Variants in ADAM22 observed in about 807,000 individuals in gnomAD.
ADAM22 encodes the protein ADAM metallopeptidase domain 22, also known as disintegrin and metalloproteinase domain-containing protein 22.
ADAM22 carries 65 observed loss-of-function variants against 144.6 expected under a neutral mutation model. That is an observed-to-expected ratio of 0.45 (90% CI 0.37 to 0.55). The LOEUF (loss-of-function observed/expected upper bound fraction) is 0.55. Among genes scored for constraint, ADAM22 ranks in the 20% least tolerant of loss-of-function variants. The pLI is 0.00. For synonymous variants in ADAM22, 391 were observed against 412.6 expected (o/e 0.95, Z 0.63); for missense variants, 974 against 1,184.9 (o/e 0.82, Z 2.61).
intron 30 of ADAM22, among the ~76,000 whole-genome samples, chr7:88,191,989 A>G (rs1316309396): frequency 6.6e-6 from 1 of 152,214 alleles, no homozygotes; most frequent in Non-Finnish European, 1.5e-5. Context: ...AGGATATTAT[A>G]CGCATGCAAA....
At chr7:88,143,706 A>T (rs1014041943) in intron 15 of ADAM22, among the ~76,000 whole-genome samples, 1 of 152,252 alleles carries the variant, frequency 6.6e-6, no homozygotes, top group Non-Finnish European at 1.5e-5. Flanking sequence ...AAGACTTTGC[A>T]TGTTAAAAAA....
rs765943904 is a variant in ADAM22 at position 88,128,655 on chromosome 7, G to T, written c.732G>T (p.Met244Ile). The change falls in exon 9 of 32, where the codon ATG becomes ATT. Residue 244 changes from methionine (M) to isoleucine (I), a missense_variant. Met to Ile is a conservative substitution (Grantham distance 10, BLOSUM62 1). Coordinates refer to ENST00000413139, the MANE Select transcript of ADAM22 (RefSeq NM_001324418.2). Reference protein sequence around the residue: ...VEEETKYIELMIVNDHLMFKK... With the variant: ...VEEETKYIELIIVNDHLMFKK... ...AAGAAACCAAATACATTGAACTGAT[G>T]ATTGTGAATGATCACCTTATGGTAG... 2 of 1,611,758 alleles carry T rather than the reference G, an allele frequency of 1.2e-6. No individual in the cohort carries two copies. Among genetic ancestry groups the T allele is most frequent in the East Asian group, 2.2e-5 (1 of 44,812 alleles).
chr7:87,992,880 C>T (rs1178352449), intron 3 of ADAM22, among the ~76,000 whole-genome samples: 2 of 152,074 alleles, frequency 1.3e-5, no homozygotes, highest in African/African-American at 4.8e-5. Context: ...GAAACGGAAC[C>T]TTTTCACCAA....
chr7:88,022,826 T>C (rs562436753), intron 3 of ADAM22, among the ~76,000 whole-genome samples: 1 of 152,328 alleles, frequency 6.6e-6, no homozygotes, highest in South Asian at 2.1e-4. Context: ...ACTATAACTT[T>C]ATATTAACCA....
At chr7:87,976,971 G>A (rs572202672) in intron 2 of ADAM22, among the ~76,000 whole-genome samples, 2 of 152,050 alleles carry the variant, frequency 1.3e-5, no homozygotes, top group Admixed American at 6.6e-5. Context: ...TATGGCAGAG[G>A]TGGAAATGAA....
intron 4 of ADAM22, among the ~76,000 whole-genome samples, chr7:88,093,193 AT>A (rs1820394935): frequency 6.6e-6 from 1 of 151,994 alleles, no homozygotes. Flanking sequence ...TACTCTTGCA[AT>A]TTTTTTGAAA....
chr7:88,087,699 T>C (rs1478692317), intron 4 of ADAM22, among the ~76,000 whole-genome samples: 1 of 152,192 alleles, frequency 6.6e-6, no homozygotes, highest in African/African-American at 2.4e-5. Context: ...TGAAATTATT[T>C]GATCTGATAT....
At chr7:87,991,387 T>A (rs1053853237) in intron 3 of ADAM22, among the ~76,000 whole-genome samples, 11 of 132,874 alleles carry the variant, frequency 8.3e-5, no homozygotes, top group African/African-American at 3.1e-4. Flanking sequence ...TGAGACGGAG[T>A]CTCGCTCTGT....
chr7:88,146,462 T>C (rs1836462029), intron 17 of ADAM22, among the ~76,000 whole-genome samples: 1 of 152,228 alleles, frequency 6.6e-6, no homozygotes, highest in East Asian at 1.9e-4. Context: ...TTGACATTTT[T>C]GGCTGGATAA....
intron 30 of ADAM22, among the ~76,000 whole-genome samples, chr7:88,192,211 T>A (rs567986772): frequency 3.9e-5 from 6 of 152,328 alleles, no homozygotes; most frequent in Admixed American, 3.3e-4. Flanking sequence ...TTTTACCACC[T>A]TGCACCATGG....
chr7:88,002,437 C>G (rs1237491075), intron 3 of ADAM22, among the ~76,000 whole-genome samples: 1 of 152,118 alleles, frequency 6.6e-6, no homozygotes, highest in Non-Finnish European at 1.5e-5. Flanking sequence ...TCCATCCCTC[C>G]CAAACCATGT....
At chr7:88,088,373 G>T (rs956974653) in intron 4 of ADAM22, among the ~76,000 whole-genome samples, 4 of 152,084 alleles carry the variant, frequency 2.6e-5, no homozygotes, top group African/African-American at 9.7e-5. Flanking sequence ...CACCTATGCT[G>T]CTAGCAGAGT....
intron 21 of ADAM22, among the ~76,000 whole-genome samples, chr7:88,155,055 G>A (rs953676599): frequency 1.3e-5 from 2 of 152,144 alleles, no homozygotes; most frequent in African/African-American, 4.8e-5. Flanking sequence ...AGAATCATAT[G>A]TAATAGTTGG....
At chr7:88,135,135 G>A (rs112120994) in intron 13 of ADAM22, among the ~76,000 whole-genome samples, 17 of 151,710 alleles carry the variant, frequency 1.1e-4, no homozygotes, top group East Asian at 3.9e-4. Flanking sequence ...AAAATTAGCC[G>A]GGTGTGGTGG....
At chr7:88,128,572 T>C in intron 8 of ADAM22, 30 bp from the exon 9 acceptor site, 1 of 1,574,846 alleles carries the variant, frequency 6.3e-7, no homozygotes, top group Non-Finnish European at 8.7e-7. Flanking sequence ...GAGGGCTGAA[T>C]TAGGTGCTGT....
At position 88,092,654 on chromosome 7, in the gene ADAM22, T is replaced by A. The variant is rs1001000731; in HGVS notation, c.391-15522T>A. ...TCTCTTTGCATTATAGGAAAAAAAT[T>A]TGGGGGGATTAAGTAAATTTTGCTT... On this transcript the variant is annotated intron_variant, in intron 4 of 31. Coordinates refer to ENST00000413139, the MANE Select transcript of ADAM22 (RefSeq NM_001324418.2). Among the ~76,000 whole-genome samples the A allele has an allele frequency of 2.2e-4, 33 of 152,168 alleles. 1 individual carries two copies. Among genetic ancestry groups the A allele is most frequent in the African/African-American group, 7.2e-4 (30 of 41,456 alleles).
In ADAM22 at chr7:88,193,031, AGGGT is replaced by A; in HGVS notation, c.2751-84_2751-81del. The A allele has an allele frequency of 8.5e-6, 13 of 1,525,876 alleles. No homozygotes were observed. In the South Asian group the frequency reaches 1.3e-4, roughly 16 times the overall value. 94.5% of individuals were successfully genotyped at this position (1,525,876 alleles called of 1,614,324 possible). On this transcript the variant is annotated intron_variant, in intron 30 of 31. Coordinates refer to ENST00000413139, the MANE Select transcript of ADAM22 (RefSeq NM_001324418.2). ...GTGGTATATGAAAGTTAGAAGTCAG[AGGGT>A]TTGTTCTGAACACACTTTTCAGATA...
chr7:88,018,281 CTT>C (rs752089344), intron 3 of ADAM22, among the ~76,000 whole-genome samples: 14 of 152,258 alleles, frequency 9.2e-5, no homozygotes, highest in Non-Finnish European at 1.9e-4. Flanking sequence ...CCACCGTTCT[CTT>C]TGTTGTTTCA....
chr7:88,101,411 G>A (rs757772650), intron 4 of ADAM22, among the ~76,000 whole-genome samples: 8 of 152,110 alleles, frequency 5.3e-5, no homozygotes, highest in African/African-American at 1.2e-4. Context: ...GGATCTGGAG[G>A]TGCCTACACT....
Sources: allele counts gnomAD v4.1 joint callset (sites outside exome capture counted in the v4.1 genomes callset), GRCh38; gene constraint gnomAD v4.1.1; transcripts MANE v1.5; gene names NCBI Gene and HGNC (gene_info 2026-07-23, HGNC 2026-07-21).